Variants in RNF123 observed in about 807,000 individuals in gnomAD.
RNF123 encodes ring finger protein 123.
Under a neutral mutation model 168.5 loss-of-function variants are expected in RNF123, and 86 were observed. The observed-to-expected ratio is 0.51, with a 90% CI of 0.43 to 0.61. RNF123 has a LOEUF of 0.61. Ranked by LOEUF, RNF123 falls within the 20% of genes least tolerant of loss-of-function variation. RNF123 has a pLI of 0.00. For synonymous variants in RNF123, 666 were observed against 689.1 expected (o/e 0.97, Z 0.52); for missense variants, 1,419 against 1,729.7 (o/e 0.82, Z 3.19).
intron 26 of RNF123, among the ~76,000 whole-genome samples, 178 bp from the exon 27 acceptor site, chr3:49,712,301 C>T (rs2080158608): frequency 6.6e-6 from 1 of 152,174 alleles, no homozygotes; most frequent in Admixed American, 6.5e-5. Flanking sequence ...TGAGTGCGTC[C>T]CTCTTGCCTG....
intron 26 of RNF123, among the ~76,000 whole-genome samples, chr3:49,711,556 G>A (rs1045383935): frequency 1.3e-5 from 2 of 152,098 alleles, no homozygotes; most frequent in African/African-American, 2.4e-5. Context: ...CTAGGTTTGC[G>A]CCTAGGCCCT....
intron 19 of RNF123, 78 bp from the exon 20 acceptor site, chr3:49,702,555 C>T (rs1376257821): frequency 6.2e-7 from 1 of 1,611,408 alleles, no homozygotes; most frequent in East Asian, 2.2e-5. Flanking sequence ...ACCCTCGACC[C>T]TCAGGCAGGG....
intron 5 of RNF123, 111 bp from the exon 6 acceptor site, chr3:49,697,774 G>A (rs1182971515): frequency 6.7e-6 from 9 of 1,351,086 alleles, no homozygotes; most frequent in Admixed American, 1.7e-5. Flanking sequence ...AGTGTTGGCC[G>A]CCACAGGCAA....
chr3:49,704,832 G>A, intron 22 of RNF123, 76 bp downstream of exon 22: 1 of 1,425,392 alleles, frequency 7.0e-7, no homozygotes, highest in Admixed American at 2.3e-5. Context: ...CTCATCCAGG[G>A]CCACTTCCCG....
intron 35 of RNF123, chr3:49,718,978 T>C: frequency 2.5e-6 from 4 of 1,613,660 alleles, no homozygotes; most frequent in Non-Finnish European, 3.4e-6. Flanking sequence ...GCAGCCCAGG[T>C]AGAGATGGCT....
Position 49,702,739 on chromosome 3 carries a change from C to T in RNF123, c.1736C>T (p.Ala579Val), listed in dbSNP as rs891748485. 1.2e-6 allele frequency: 2 copies of T among 1,614,180 alleles called. No homozygotes were observed. Among genetic ancestry groups the T allele is most frequent in the Non-Finnish European group, 1.7e-6 (2 of 1,179,990 alleles). ...WDEYKASNPH[A>V]SFSEEAYIPP... is the part of the protein sequence containing the mutation. Reference sequence around the variant, plus strand: ...GAATACAAGGCTTCCAATCCTCATGCTTCCTTCAGTGAGGGTGAGTGGCAC... The same window carrying T: ...GAATACAAGGCTTCCAATCCTCATGTTTCCTTCAGTGAGGGTGAGTGGCAC... The change falls in exon 20 of 39, where the codon GCT (alanine) becomes GTT (valine). Residue 579 changes from alanine (A) to valine (V), a missense_variant. Ala to Val is a moderately conservative substitution (Grantham distance 64). Around this residue, in one of 5 missense-constraint regions of RNF123, gnomAD observed 349 missense variants for 344.9 expected, o/e 1.01. Transcript: ENST00000327697.
rs748297846 is a variant in RNF123, at chr3:49,699,609, G to T, written c.879+27G>T. On this transcript the variant is annotated intron_variant, in intron 11 of 38. Transcript: ENST00000327697. This position sits in a 1 kb window ranked among gnomAD's most constrained non-coding sequence, Gnocchi z 4.8. ...TGAGCTGGGGTCTGGGCCAGGCGGG[G>T]TGGGGGGCTTCCACAGCCTCCTGCC... 1 of 1,612,702 alleles carries T rather than the reference G, an allele frequency of 6.2e-7. No individual in the cohort carries two copies. The highest frequency in any genetic ancestry group is 1.1e-5 in the South Asian group (1 of 91,062).
intron 35 of RNF123, chr3:49,718,220 A>C: frequency 6.2e-7 from 1 of 1,612,062 alleles, no homozygotes; most frequent in Non-Finnish European, 8.5e-7. Flanking sequence ...CAGCGGCGGC[A>C]GCGGCAGGCA....
At chr3:49,719,401 T>C in intron 35 of RNF123, 1 of 1,613,364 alleles carries the variant, frequency 6.2e-7, no homozygotes, top group Non-Finnish European at 8.5e-7. Flanking sequence ...ACCCTCGGAG[T>C]CCGGGGTGCC....
At chr3:49,701,341 C>T (rs1484685450) in intron 15 of RNF123, 150 bp from the exon 16 acceptor site, 2 of 679,918 alleles carry the variant, frequency 2.9e-6, no homozygotes, top group Non-Finnish European at 5.2e-6. Flanking sequence ...AGGGAGCATG[C>T]CCTGGGGGTC....
chr3:49,697,289 C>G (rs759697818), intron 4 of RNF123, 67 bp downstream of exon 4: 16 of 1,595,760 alleles, frequency 1.0e-5, no homozygotes, highest in Non-Finnish European at 1.4e-5. Flanking sequence ...CTGGAGACGT[C>G]TGGTGAGCTC....
chr3:49,719,895 G>A (rs1275812441), intron 35 of RNF123: 1 of 189,078 alleles, frequency 5.3e-6, no homozygotes. Context: ...GGGAGTAAAA[G>A]GGGGAGTCTG....
At chr3:49,718,844 C>T in intron 35 of RNF123, 1 of 1,613,416 alleles carries the variant, frequency 6.2e-7, no homozygotes, top group Non-Finnish European at 8.5e-7. Flanking sequence ...TTGAGGAAGG[C>T]CGGCAGCGCG....
In RNF123 at chr3:49,691,130, C is replaced by G; in HGVS notation, c.-36C>G. 1 of 1,598,174 alleles carries G rather than the reference C, an allele frequency of 6.3e-7. No individual in the cohort carries two copies. The highest frequency in any genetic ancestry group is 8.6e-7 in the Non-Finnish European group (1 of 1,166,728). On this transcript the variant is annotated splice_region_variant and 5_prime_UTR_variant, in exon 2 of 39. Transcript: ENST00000327697. ...TAGACAGGCTCTGTGTCTGGCTCAG[C>G]CCCCAGGACCACTGGCTGCCCATGA...
At position 49,721,008 on chromosome 3, in the gene RNF123, T is replaced by G. The variant is rs2080393442; in HGVS notation, c.3739-12T>G. Reference sequence around the variant, plus strand: ...TCCAACTCCAGCCCACCCTTCACTCTCCTCCCTGCAGCCCACCAGTGAGGA... The same window carrying G: ...TCCAACTCCAGCCCACCCTTCACTCGCCTCCCTGCAGCCCACCAGTGAGGA... On this transcript the variant is annotated splice_polypyrimidine_tract_variant and intron_variant, in intron 37 of 38. Coordinates refer to ENST00000327697, the MANE Select transcript of RNF123 (RefSeq NM_022064.5). 1.2e-6 allele frequency: 2 copies of G among 1,609,576 alleles called. No homozygotes were observed. The highest frequency in any genetic ancestry group is 1.7e-5 in the Admixed American group (1 of 59,818).
intron 25 of RNF123, 75 bp from the exon 26 acceptor site, chr3:49,706,716 G>A: frequency 7.5e-7 from 1 of 1,336,090 alleles, no homozygotes. Flanking sequence ...GCCCTTCCTA[G>A]GCTGCCTGCA....
At chr3:49,709,631 GTT>G (rs2080104574) in intron 26 of RNF123, among the ~76,000 whole-genome samples, 1 of 148,808 alleles carries the variant, frequency 6.7e-6, no homozygotes, top group Admixed American at 6.8e-5. Flanking sequence ...TAGAGATGGG[GTT>G]TCTTCATATT....
chr3:49,698,513 C>G lies in RNF123; in HGVS notation c.557C>G (p.Thr186Arg), dbSNP rs770868302. 6.0e-5 allele frequency: 97 copies of G among 1,613,808 alleles called. 1 individual carries two copies. In the South Asian group the frequency reaches 1.0e-3, roughly 17 times the overall value. ...NRVRKWNVTT[T>R]NYGKAWAAGD... Reference sequence around the variant, plus strand: ...GTGCGCAAGTGGAATGTGACCACAACGAATTATGGCAAGGTGAGAGCCAAG... The same window carrying G: ...GTGCGCAAGTGGAATGTGACCACAAGGAATTATGGCAAGGTGAGAGCCAAG... The change falls in exon 8 of 39, where the codon ACG becomes AGG. Residue 186 changes from threonine to arginine, a missense_variant. By Grantham distance (71) the Thr-to-Arg change is moderately conservative. Around this residue, in one of 5 missense-constraint regions of RNF123, gnomAD observed 318 missense variants for 446.6 expected, o/e 0.71. Transcript: ENST00000327697.
At position 49,702,401 on chromosome 3, in the gene RNF123, G is replaced by A. The variant is rs748756783; in HGVS notation, c.1625G>A (p.Arg542Gln). ...RKFLQENASG[R>Q]GNMPMLCPPE... is the part of the protein sequence containing the mutation. ...TTTCTGCAGGAGAACGCCAGTGGCC[G>A]GGGGGTAGGTGTCCTCCAGGCCAGC... is the stretch of plus-strand genomic sequence containing the variant. The change falls in exon 19 of 39, where the codon CGG becomes CAG. Residue 542 changes from arginine (R) to glutamine (Q), a missense_variant. By Grantham distance (43) the Arg-to-Gln change is conservative. This residue lies in a region of RNF123 where 349 missense variants were observed against 344.9 expected (regional missense o/e 1.01). Coordinates refer to ENST00000327697, the MANE Select transcript of RNF123 (RefSeq NM_022064.5). 21 of 1,613,406 alleles carry A rather than the reference G, an allele frequency of 1.3e-5. No individual in the cohort carries two copies. Among genetic ancestry groups the A allele is most frequent in the African/African-American group, 5.3e-5 (4 of 74,918 alleles).
Sources: gnomAD v4.1 joint callset for allele counts (sites outside exome capture counted in the v4.1 genomes callset) on GRCh38, gnomAD v4.1.1 for gene constraint, gnomAD v4.1.1 regional missense constraint, Gnocchi (gnomAD v3.1) non-coding constraint, MANE v1.5 for transcripts, NCBI Gene and HGNC (gene_info 2026-07-23, HGNC 2026-07-21) for gene names.